The following PRR16 variants were observed in gnomAD, a reference collection of about 807,000 sequenced individuals.
PRR16 encodes the protein proline rich 16.
Under a neutral mutation model 18.2 loss-of-function variants are expected in PRR16, and 6 were observed. That is an observed-to-expected ratio of 0.33 (90% CI 0.18 to 0.65). PRR16 has a LOEUF of 0.65. Ranked by LOEUF, PRR16 falls within the 30% of genes least tolerant of loss-of-function variation. PRR16 has a pLI of 0.74. For missense variants in PRR16, 412 were observed against 376.6 expected (o/e 1.09, Z -0.78); for synonymous variants, 151 against 147.8 (o/e 1.02, Z -0.16).
the PRR16 span, among the ~76,000 whole-genome samples, chr5:120,762,139 G>T: frequency 1.3e-5 from 2 of 152,080 alleles, no homozygotes; most frequent in Non-Finnish European, 2.9e-5. Context: ...CTGATTGCAT[G>T]TATCTTTGGC....
At chr5:120,666,411 C>G (rs1157495935) in intron 1 of PRR16, among the ~76,000 whole-genome samples, 2 of 151,854 alleles carry the variant, frequency 1.3e-5, no homozygotes, top group Non-Finnish European at 2.9e-5. Flanking sequence ...CAAACAGGGA[C>G]AATTTGACTT....
At chr5:120,781,352 G>GCT in the PRR16 span, 1 of 152,082 alleles carries the variant, frequency 6.6e-6, no homozygotes, top group African/African-American at 2.4e-5. Context: ...AGAAGAAACG[G>GCT]GTAGACCTGG....
chr5:120,701,726 C>G, the PRR16 span, among the ~76,000 whole-genome samples: 7 of 151,976 alleles, frequency 4.6e-5, no homozygotes, highest in Non-Finnish European at 1.0e-4. Context: ...GGGGTTGGTA[C>G]TGAGGGGATA....
chr5:120,753,102 C>A, the PRR16 span, among the ~76,000 whole-genome samples: 1 of 151,996 alleles, frequency 6.6e-6, no homozygotes, highest in African/African-American at 2.4e-5. Flanking sequence ...GTTAGCAGAG[C>A]AATGAGTGAG....
the PRR16 span, among the ~76,000 whole-genome samples, chr5:120,785,590 T>TTTTTTTTTTTTTTTTTTG: frequency 6.9e-6 from 1 of 144,408 alleles, no homozygotes; most frequent in African/African-American, 2.5e-5. Context: ...TTTTTTTTTT[T>TTTTTTTTTTTTTTTTTTG]GAGACAGAGT....
the PRR16 span, among the ~76,000 whole-genome samples, chr5:120,760,543 G>T: frequency 6.6e-6 from 1 of 151,964 alleles, no homozygotes; most frequent in Non-Finnish European, 1.5e-5. Flanking sequence ...CATCTTTAAG[G>T]TACTACAGGA....
At chr5:120,501,895 G>T (rs1750466995) in intron 1 of PRR16, among the ~76,000 whole-genome samples, 2 of 140,030 alleles carry the variant, frequency 1.4e-5, no homozygotes, top group South Asian at 4.5e-4. Context: ...GGAGGAGCTT[G>T]CAGTGAGCCG....
At chr5:120,683,995 T>C (rs1199119385) in intron 1 of PRR16, among the ~76,000 whole-genome samples, 1 of 151,040 alleles carries the variant, frequency 6.6e-6, no homozygotes, top group Non-Finnish European at 1.5e-5. Flanking sequence ...GGATAGTCCA[T>C]ACAGTAAATC....
chr5:120,570,561 G>A (rs898192261), intron 1 of PRR16, among the ~76,000 whole-genome samples: 3 of 152,122 alleles, frequency 2.0e-5, no homozygotes, highest in African/African-American at 4.8e-5. Context: ...GTATGGCCAA[G>A]TAAAATTCTC....
At chr5:120,591,793 TTAAAATAG>T (rs1753643831) in intron 1 of PRR16, among the ~76,000 whole-genome samples, 1 of 152,048 alleles carries the variant, frequency 6.6e-6, no homozygotes, top group Admixed American at 6.6e-5. Flanking sequence ...AAGGATAATT[TTAAAATAG>T]TAAACTTAGA....
chr5:120,565,549 G>C (rs1454981), intron 1 of PRR16, among the ~76,000 whole-genome samples: 1 of 152,078 alleles, frequency 6.6e-6, no homozygotes, highest in Non-Finnish European at 1.5e-5. Flanking sequence ...TTCATCAAAA[G>C]GTGACCTGGA....
chr5:120,593,517 C>T (rs1249777929), intron 1 of PRR16, among the ~76,000 whole-genome samples: 1 of 118,650 alleles, frequency 8.4e-6, no homozygotes, highest in Non-Finnish European at 1.8e-5. Flanking sequence ...AAATACCCTA[C>T]CAAGAAAAAA....
intron 1 of PRR16, among the ~76,000 whole-genome samples, chr5:120,640,414 T>C (rs564519974): frequency 6.6e-6 from 1 of 152,240 alleles, no homozygotes; most frequent in South Asian, 2.1e-4. Flanking sequence ...TTTGGTGCCA[T>C]GTAGAAAGAG....
chr5:120,784,123 A>G, the PRR16 span, among the ~76,000 whole-genome samples: 14 of 152,228 alleles, frequency 9.2e-5, no homozygotes, highest in Admixed American at 9.2e-4. Flanking sequence ...GGACATTTAT[A>G]TTTATTTCAT....
At chr5:120,668,861 G>A (rs149188768) in intron 1 of PRR16, among the ~76,000 whole-genome samples, 8,814 of 152,128 alleles carry the variant, frequency 0.058, 307 homozygotes, top group South Asian at 0.083. Context: ...TGGGTAACCC[G>A]ACCTTTCTCT....
At chr5:120,658,605 A>G (rs1756066426) in intron 1 of PRR16, among the ~76,000 whole-genome samples, 1 of 151,942 alleles carries the variant, frequency 6.6e-6, no homozygotes, top group Admixed American at 6.6e-5. Context: ...TGTCTAGTAG[A>G]AGCTTTGAAA....
intron 1 of PRR16, among the ~76,000 whole-genome samples, chr5:120,551,743 A>G (rs1178392808): frequency 6.6e-6 from 1 of 151,974 alleles, no homozygotes; most frequent in Non-Finnish European, 1.5e-5. Flanking sequence ...ACTAATGTCA[A>G]TGCAGGGGTG....
chr5:120,520,617 C>T (rs773350631), intron 1 of PRR16, among the ~76,000 whole-genome samples: 14 of 152,076 alleles, frequency 9.2e-5, no homozygotes, highest in African/African-American at 1.7e-4. Flanking sequence ...CTACTTGTAG[C>T]GCATGAAGAA....
intron 1 of PRR16, among the ~76,000 whole-genome samples, chr5:120,501,611 A>G (rs934624270): frequency 6.6e-6 from 1 of 152,208 alleles, no homozygotes; most frequent in African/African-American, 2.4e-5. Context: ...TGCAGATGTC[A>G]TTCATAGAAA....
Sources: allele counts gnomAD v4.1 joint callset (sites outside exome capture counted in the v4.1 genomes callset), GRCh38; gene constraint gnomAD v4.1.1; transcripts MANE v1.5; gene names NCBI Gene and HGNC (gene_info 2026-07-23, HGNC 2026-07-21).